Variants in ZNF493 observed in about 807,000 individuals in gnomAD.
The protein encoded by ZNF493 is zinc finger protein 493.
Under a neutral mutation model 12.2 loss-of-function variants are expected in ZNF493, and 11 were observed. The ratio of observed to expected loss-of-function variants is 0.90; its 90% CI spans 0.57 to 1.50. ZNF493 has a LOEUF of 1.50. Among genes scored for constraint, ZNF493 ranks in the 40% most tolerant of loss-of-function variants. The probability of loss-of-function intolerance (pLI) is 0.00; values close to 1 mark genes in which losing one functional copy is unlikely to be tolerated. For synonymous variants in ZNF493, 286 were observed against 302.6 expected, an observed-to-expected ratio of 0.95 and a Z score of 0.57; for missense variants, 950 against 906.6, an observed-to-expected ratio of 1.05 and a Z score of -0.61.
chr19:21,409,757 T>C (rs1017800296), intron 3 of ZNF493, among the ~76,000 whole-genome samples: 6 of 152,050 alleles, frequency 3.9e-5, no homozygotes, highest in Admixed American at 3.9e-4. Flanking sequence ...AAAGAAGCTG[T>C]ATATTTCAGG....
Position 21,426,075 on chromosome 19 carries a change from C to A in ZNF493, c.*1091C>A, listed in dbSNP as rs1016733093. 2.9e-6 allele frequency: 1 copy of A among 340,944 alleles called. No individual in the cohort carries two copies. Among genetic ancestry groups the A allele is most frequent in the Non-Finnish European group, 6.0e-6 (1 of 166,656 alleles). The allele number at this position is 340,944 out of a possible 1,614,324, so 21.1% of individuals were successfully genotyped here. Reference sequence around the variant, plus strand: ...TAGTCCTCAGTTCTTAACACACATACGATAATTCTTACTGCAGAGAAACTC... The same window carrying A: ...TAGTCCTCAGTTCTTAACACACATAAGATAATTCTTACTGCAGAGAAACTC... On this transcript the variant is annotated 3_prime_UTR_variant, in exon 4 of 4. Transcript: ENST00000392288.
chr19:21,425,087 T>C lies in ZNF493; in HGVS notation c.*103T>C. 1 of 1,230,416 alleles carries C rather than the reference T, an allele frequency of 8.1e-7. No homozygotes were observed. Among genetic ancestry groups the C allele is most frequent in the Non-Finnish European group, 1.2e-6 (1 of 847,854 alleles). 76.2% of individuals were successfully genotyped at this position (1,230,416 alleles called of 1,614,324 possible). On this transcript the variant is annotated 3_prime_UTR_variant, in exon 4 of 4. Transcript: ENST00000392288. ...TTAATACACATAAGATAATTAATGC[T>C]GGAGAGAAACCCTACAAATGTGAAG...
chr19:21,401,964 TTTTA>T (rs747361479), intron 1 of ZNF493, among the ~76,000 whole-genome samples: 90 of 149,642 alleles, frequency 6.0e-4, no homozygotes, highest in Non-Finnish European at 7.0e-4. Flanking sequence ...ATTTATTTCA[TTTTA>T]TTTATTTATT....
At chr19:21,420,600 T>TATATATATATATATATAA (rs1426258372) in intron 3 of ZNF493, among the ~76,000 whole-genome samples, 4 of 11,444 alleles carry the variant, frequency 3.5e-4, no homozygotes, top group African/African-American at 1.6e-3. Flanking sequence ...ATTATATATA[T>TATATATATATATATATAA]ATATATATAT....
chr19:21,405,013 C>A, intron 1 of ZNF493, 116 bp from the exon 2 acceptor site: 2 of 1,485,506 alleles, frequency 1.3e-6, no homozygotes, highest in Non-Finnish European at 1.8e-6. Flanking sequence ...TTCAGTCATT[C>A]CTGTAAGTCA....
chr19:21,399,885 G>C (rs577157997), intron 1 of ZNF493, among the ~76,000 whole-genome samples: 2 of 152,092 alleles, frequency 1.3e-5, no homozygotes, highest in South Asian at 2.1e-4. Flanking sequence ...TCATAAAAAC[G>C]TAAGTTCCTT....
At chr19:21,421,674 C>A (rs2030682099) in intron 3 of ZNF493, among the ~76,000 whole-genome samples, 1 of 151,948 alleles carries the variant, frequency 6.6e-6, no homozygotes, top group South Asian at 2.1e-4. Context: ...ACATTGTAAT[C>A]TTTTATAAAA....
intron 3 of ZNF493, chr19:21,413,378 T>C (rs1412469962): frequency 9.8e-6 from 4 of 407,218 alleles, no homozygotes; most frequent in Non-Finnish European, 1.7e-5. Context: ...TCAGCCCTTG[T>C]TGAAGGAATA....
chr19:21,420,631 T>TA (rs2030646109), intron 3 of ZNF493, among the ~76,000 whole-genome samples: 2 of 84,654 alleles, frequency 2.4e-5, no homozygotes, highest in African/African-American at 8.9e-5. Flanking sequence ...ATATTTTTTT[T>TA]TTTTTTTTTT....
At position 21,423,524 on chromosome 19, in the gene ZNF493, A is replaced by G. The variant is rs766813681; in HGVS notation, c.865A>G (p.Arg289Gly). 2 of 1,613,532 alleles carry G rather than the reference A, an allele frequency of 1.2e-6. No homozygotes were observed. The highest frequency in any genetic ancestry group is 1.3e-5 in the African/African-American group (1 of 74,864). The change falls in exon 4 of 4, where the codon AGA becomes GGA. Residue 289 changes from arginine to glycine, a missense_variant. Coordinates refer to ENST00000392288, the MANE Select transcript of ZNF493 (RefSeq NM_001076678.3). Reference protein sequence around the residue: ...YLTRHKLIHTREKPYKCEQYG... With the variant: ...YLTRHKLIHTGEKPYKCEQYG... ...TACTAGGCATAAGCTAATTCATACT[A>G]GAGAGAAACCCTATAAATGTGAACA...
At chr19:21,414,551 T>G (rs942503891) in intron 3 of ZNF493, 1 of 152,238 alleles carries the variant, frequency 6.6e-6, no homozygotes, top group African/African-American at 2.4e-5. Flanking sequence ...ATTGTACTCC[T>G]AACTGCTATT....
chr19:21,426,426 A>G lies in ZNF493; in HGVS notation c.*1442A>G, dbSNP rs1311905814. On this transcript the variant is annotated 3_prime_UTR_variant, in exon 4 of 4. Transcript: ENST00000392288. ...CAGAGAGTTCATGCTTAATAAAAGC[A>G]TGATAAGTGCAATTACTGCCAAAAG... The G allele has an allele frequency of 5.9e-6, 1 of 168,156 alleles. No homozygotes were observed. Among genetic ancestry groups the G allele is most frequent in the Admixed American group, 6.5e-5 (1 of 15,470 alleles). The allele number at this position is 168,156 out of a possible 1,614,324, so 10.4% of individuals were successfully genotyped here. A position where few individuals can be genotyped will look rare whatever the true frequency, so the allele number is the denominator to read the frequency against.
intron 1 of ZNF493, among the ~76,000 whole-genome samples, chr19:21,399,726 G>C (rs1974230935): frequency 6.6e-6 from 1 of 152,012 alleles, no homozygotes; most frequent in African/African-American, 2.4e-5. Flanking sequence ...TTTTTTTATA[G>C]CTGGGTGATT....
At chr19:21,411,738 T>A (rs1462038694) in intron 3 of ZNF493, among the ~76,000 whole-genome samples, 5 of 150,116 alleles carry the variant, frequency 3.3e-5, no homozygotes, top group Admixed American at 6.7e-5. Flanking sequence ...AAAAAGTTAA[T>A]GTTTTTGCAA....
At chr19:21,408,391 G>C in intron 3 of ZNF493, 2 of 974,014 alleles carry the variant, frequency 2.1e-6, no homozygotes, top group African/African-American at 3.5e-5. Context: ...TGGCCTCCTG[G>C]GTGCTGGGAT....
chr19:21,423,012 A>G lies in ZNF493; in HGVS notation c.353A>G (p.Lys118Arg), dbSNP rs745506468. 3 of 1,612,510 alleles carry G rather than the reference A, an allele frequency of 1.9e-6. No individual in the cohort carries two copies. Among genetic ancestry groups the G allele is most frequent in the Non-Finnish European group, 2.5e-6 (3 of 1,179,462 alleles). Residue 118 changes from lysine (K) to arginine (R), a missense_variant, in exon 4 of 4, where the codon AAG becomes AGG. Lys to Arg is a conservative substitution (Grantham distance 26). Coordinates refer to ENST00000392288, the MANE Select transcript of ZNF493 (RefSeq NM_001076678.3). The part of the protein sequence containing the change: ...ILREYVKCGH[K>R]DLQLRKGCKS... Reference sequence around the variant, plus strand: ...AGAGAATATGTAAAATGTGGACATAAGGATTTACAGTTAAGAAAAGGATGT... The same window carrying G: ...AGAGAATATGTAAAATGTGGACATAGGGATTTACAGTTAAGAAAAGGATGT...
intron 2 of ZNF493, chr19:21,405,505 T>C: frequency 7.5e-7 from 1 of 1,331,586 alleles, no homozygotes; most frequent in Non-Finnish European, 9.6e-7. Flanking sequence ...AGAAATTTAG[T>C]AGTATAAAAT....
At chr19:21,417,854 A>G (rs1358811987) in intron 3 of ZNF493, among the ~76,000 whole-genome samples, 3 of 152,246 alleles carry the variant, frequency 2.0e-5, no homozygotes, top group African/African-American at 7.2e-5. Flanking sequence ...CCCAGTTAGT[A>G]GGAATCATCA....
At chr19:21,406,301 A>G (rs1200158792) in intron 3 of ZNF493, among the ~76,000 whole-genome samples, 4 of 151,700 alleles carry the variant, frequency 2.6e-5, no homozygotes, top group African/African-American at 7.3e-5. Context: ...TTGGGAAGCT[A>G]TGTTCCAAAG....
Sources: allele counts gnomAD v4.1 joint callset (sites outside exome capture counted in the v4.1 genomes callset), GRCh38; gene constraint gnomAD v4.1.1; transcripts MANE v1.5; gene names NCBI Gene and HGNC (gene_info 2026-07-23, HGNC 2026-07-21).